TEX35: variants seen among roughly 807,000 people sequenced by gnomAD.
The protein encoded by TEX35 is testis expressed 35.
A neutral mutation model predicts 31.9 loss-of-function variants in TEX35; 26 were observed. The observed-to-expected ratio is 0.81, with a 90% CI of 0.60 to 1.13. TEX35 has a LOEUF of 1.13. Among genes scored for constraint, TEX35 ranks in the 50% most tolerant of loss-of-function variants. The pLI, the probability that TEX35 is intolerant of heterozygous loss-of-function variation, is 0.00. For missense variants in TEX35, 278 were observed against 273.5 expected (o/e 1.02, Z -0.12); for synonymous variants, 87 against 90.7 (o/e 0.96, Z 0.23).
intron 3 of TEX35, among the ~76,000 whole-genome samples, chr1:178,515,426 C>A (rs146792531): frequency 1.7e-3 from 260 of 152,142 alleles, no homozygotes; most frequent in African/African-American, 6.0e-3. Context: ...TTACAGATTA[C>A]AGATCACTTA....
chr1:178,514,149 G>A, intron 2 of TEX35, 72 bp downstream of exon 2: 7 of 1,612,288 alleles, frequency 4.3e-6, no homozygotes, highest in African/African-American at 1.3e-5. Flanking sequence ...GGAGTCAGGG[G>A]TCATTTGCTG....
intron 5 of TEX35, 147 bp from the exon 6 acceptor site, chr1:178,520,225 G>C: frequency 1.4e-6 from 1 of 695,874 alleles, no homozygotes; most frequent in Non-Finnish European, 2.4e-6. Context: ...AGCTGTACAT[G>C]TCACGGACAC....
intron 7 of TEX35, 100 bp downstream of exon 7, chr1:178,520,974 AG>A: frequency 6.4e-7 from 1 of 1,561,844 alleles, no homozygotes; most frequent in African/African-American, 1.4e-5. Context: ...GTGAAGGGAC[AG>A]GTCCGCCCGC....
chr1:178,520,574 G>A (rs775706546), intron 6 of TEX35, 99 bp from the exon 7 acceptor site: 46 of 1,594,444 alleles, frequency 2.9e-5, no homozygotes, highest in Non-Finnish European at 1.6e-5. Flanking sequence ...GTGACTTGGA[G>A]TCAAGGCCTT....
At chr1:178,514,238 C>CTGTAAAAATTTTA in intron 2 of TEX35, 161 bp downstream of exon 2, 1 of 1,540,042 alleles carries the variant, frequency 6.5e-7, no homozygotes, top group Non-Finnish European at 8.8e-7. Flanking sequence ...CACACTGTAA[C>CTGTAAAAATTTTA]CAATCAGATA....
In TEX35 at chr1:178,516,660, G is replaced by T; in HGVS notation, c.262G>T (p.Val88Leu). ...DKDFDKLHEF[V>L]EIMKEMQKDM... Reference sequence around the variant, plus strand: ...GGATTTTGATAAACTTCACGAATTTGTGGAAATTATGAAGGTAAGCATTAC... The same window carrying T: ...GGATTTTGATAAACTTCACGAATTTTTGGAAATTATGAAGGTAAGCATTAC... The change falls in exon 5 of 9, where the codon GTG becomes TTG. Residue 88 changes from valine (V) to leucine (L), a missense_variant. By Grantham distance (32) the Val-to-Leu change is conservative (BLOSUM62 1). Coordinates refer to ENST00000319416, the MANE Select transcript of TEX35 (RefSeq NM_032126.5). The T allele has an allele frequency of 1.2e-6, 2 of 1,612,226 alleles. No individual in the cohort carries two copies. The highest frequency in any genetic ancestry group is 2.7e-5 in the African/African-American group (2 of 74,580).
chr1:178,523,098 C>T (rs1481349004), downstream of TEX35, among the ~76,000 whole-genome samples: 1 of 152,166 alleles, frequency 6.6e-6, no homozygotes, highest in African/African-American at 2.4e-5. Flanking sequence ...TAATGATTTC[C>T]AGTTCCATCC....
At chr1:178,515,632 C>G (rs1650048148) in intron 3 of TEX35, among the ~76,000 whole-genome samples, 3 of 152,050 alleles carry the variant, frequency 2.0e-5, no homozygotes, top group Admixed American at 2.0e-4. Flanking sequence ...GTTTCAAACT[C>G]CTTGTTTCAA....
chr1:178,515,539 A>G (rs61109337), intron 3 of TEX35, among the ~76,000 whole-genome samples: 15,957 of 152,100 alleles, frequency 0.1, 899 homozygotes, highest in Middle Eastern at 0.15. Flanking sequence ...TGTAGGTCCC[A>G]CTATCTTATA....
downstream of TEX35, chr1:178,523,492 C>T (rs552753221): frequency 1.3e-4 from 62 of 463,510 alleles, no homozygotes; most frequent in African/African-American, 1.2e-3. Flanking sequence ...TTTGGTGCTT[C>T]AGATAAATAT....
At chr1:178,520,223 A>C (rs935215501) in intron 5 of TEX35, 149 bp from the exon 6 acceptor site, 3 of 676,792 alleles carry the variant, frequency 4.4e-6, no homozygotes, top group South Asian at 1.9e-5. Flanking sequence ...GAAGCTGTAC[A>C]TGTCACGGAC....
At chr1:178,513,325 A>G (rs1399386905) in intron 1 of TEX35, 98 bp downstream of exon 1, 7 of 1,470,154 alleles carry the variant, frequency 4.8e-6, no homozygotes, top group Middle Eastern at 1.7e-4. Context: ...GCTCGCATGA[A>G]TCTCTGGTTT....
intron 5 of TEX35, among the ~76,000 whole-genome samples, chr1:178,517,441 T>C (rs2101895596): frequency 6.6e-6 from 1 of 152,342 alleles, no homozygotes; most frequent in East Asian, 1.9e-4. Flanking sequence ...TAGATTCAGA[T>C]GCTTGCCTGT....
intron 5 of TEX35, among the ~76,000 whole-genome samples, chr1:178,519,069 A>T (rs1650177734): frequency 6.6e-6 from 1 of 152,212 alleles, no homozygotes; most frequent in African/African-American, 2.4e-5. Context: ...ATCAAAGAAC[A>T]TTCTGGGAGG....
Position 178,514,088 on chromosome 1 carries a change from C to G in TEX35, c.90+11C>G. 6.2e-7 allele frequency: 1 copy of G among 1,614,142 alleles called. No homozygotes were observed. The highest frequency in any genetic ancestry group is 8.5e-7 in the Non-Finnish European group (1 of 1,180,040). ...CCAGAGCCGACCAAAGTAAGAAGCC[C>G]TTTTGAGGCCATGCAGGCAGCCAGG... On this transcript the variant is annotated intron_variant, in intron 2 of 8. Coordinates refer to ENST00000319416, the MANE Select transcript of TEX35 (RefSeq NM_032126.5).
downstream of TEX35, chr1:178,522,786 C>A (rs1179264017): frequency 1.2e-5 from 5 of 427,544 alleles, no homozygotes; most frequent in Admixed American, 2.1e-4. Context: ...GGGTATCCAT[C>A]CCTTCAAGCA....
intron 8 of TEX35, chr1:178,521,652 A>T (rs765763698): frequency 3.6e-5 from 56 of 1,552,200 alleles, no homozygotes; most frequent in Admixed American, 7.8e-5. Flanking sequence ...GGTGACATCG[A>T]ATATGTGTTT....
chr1:178,516,490 G>T, intron 4 of TEX35, 125 bp from the exon 5 acceptor site: 1 of 758,214 alleles, frequency 1.3e-6, no homozygotes. Flanking sequence ...GGCTCTAACA[G>T]GCCATTATTA....
intron 7 of TEX35, 162 bp from the exon 8 acceptor site, chr1:178,521,060 T>C: frequency 1.7e-5 from 26 of 1,560,228 alleles, no homozygotes; most frequent in Non-Finnish European, 2.3e-5. Context: ...GGAGCCTCCT[T>C]AGCTGTGACC....
Sources: gnomAD v4.1 joint callset for allele counts (sites outside exome capture counted in the v4.1 genomes callset) on GRCh38, gnomAD v4.1.1 for gene constraint, MANE v1.5 for transcripts, NCBI Gene and HGNC (gene_info 2026-07-23, HGNC 2026-07-21) for gene names.